Variants in PLXNB1 observed in about 807,000 individuals in gnomAD.
The protein encoded by PLXNB1 is plexin B1.
Under a neutral mutation model 209.4 loss-of-function variants are expected in PLXNB1, and 106 were observed. That is an observed-to-expected ratio of 0.51 (90% CI 0.43 to 0.59). The LOEUF is 0.59. PLXNB1 is among the 20% of genes least tolerant of loss of function. The pLI is 0.00. For missense variants in PLXNB1, 2,357 were observed against 2,853.2 expected, an observed-to-expected ratio of 0.83 and a Z score of 3.96; for synonymous variants, 1,167 against 1,183.2, an observed-to-expected ratio of 0.99 and a Z score of 0.28.
intron 3 of PLXNB1, 98 bp from the exon 4 acceptor site, chr3:48,423,045 T>G (rs2038640266): frequency 3.9e-6 from 4 of 1,034,034 alleles, no homozygotes; most frequent in Non-Finnish European, 4.3e-6. Flanking sequence ...GCCGCTCTGG[T>G]AGCTCTCCCT....
Position 48,423,781 on chromosome 3 carries a change from C to T in PLXNB1, c.831G>A (p.Gln277=). 6.2e-7 allele frequency: 1 copy of T among 1,613,990 alleles called. No homozygotes were observed. The highest frequency in any genetic ancestry group is 1.1e-5 in the South Asian group (1 of 91,080). The change falls in exon 3 of 38, where the codon CAG becomes CAA. Residue 277 remains glutamine, a synonymous_variant. Coordinates refer to ENST00000296440, the MANE Select transcript of PLXNB1 (RefSeq NM_001130082.3). ...ACEGGRYGLI[Q]AAAVATSREV... ...CCCTGGACGTGGCCACAGCTGCAGC[C>T]TGGATCAGCCCGTAGCGGCCACCTT...
In PLXNB1 at chr3:48,416,267, G is replaced by A; in HGVS notation, c.3480+79C>T. The A allele has an allele frequency of 1.3e-6, 2 of 1,557,662 alleles. No individual in the cohort carries two copies. Among genetic ancestry groups the A allele is most frequent in the South Asian group, 1.1e-5 (1 of 87,504 alleles). On this transcript the variant is annotated intron_variant, in intron 17 of 37. Coordinates refer to ENST00000296440, the MANE Select transcript of PLXNB1 (RefSeq NM_001130082.3). This position sits in a 1 kb window ranked among gnomAD's most constrained non-coding sequence, Gnocchi z 4.1. ...GGCCCAGGACTGGGAGCCCCACCAAGGAATAACCAGATGGGTTGAGAGGAG... is the reference window on the plus strand; with the variant it reads ...GGCCCAGGACTGGGAGCCCCACCAAAGAATAACCAGATGGGTTGAGAGGAG...
intron 10 of PLXNB1, 40 bp downstream of exon 10, chr3:48,420,625 C>T (rs377556062): frequency 2.7e-5 from 41 of 1,535,320 alleles, no homozygotes; most frequent in Non-Finnish European, 3.4e-5. Context: ...ACTGGGACCC[C>T]CAACCCCCCC....
rs755468121 is a variant in PLXNB1 at position 48,423,932 on chromosome 3, C to T, written c.680G>A (p.Ser227Asn). The T allele has an allele frequency of 6.2e-7, 1 of 1,614,148 alleles. No individual in the cohort carries two copies. The highest frequency in any genetic ancestry group is 1.1e-5 in the South Asian group (1 of 91,086). Residue 227 changes from serine to asparagine, a missense_variant, in exon 3 of 38, where the codon AGC (serine) becomes AAC (asparagine). Physicochemically the swap from Ser to Asn is conservative, Grantham distance 46. Transcript: ENST00000296440. Reference sequence around the variant, plus strand: ...CCGCCGCAGGAACAGGAAGTAGGCGCTGGCCCCACGTGCAAAGGCACTCAC... The same window carrying T: ...CCGCCGCAGGAACAGGAAGTAGGCGTTGGCCCCACGTGCAAAGGCACTCAC... ...HFVSAFARGASAYFLFLRRDL... is the reference protein window; with the variant it reads ...HFVSAFARGANAYFLFLRRDL...
chr3:48,414,951 C>T lies in PLXNB1; in HGVS notation c.4057G>A (p.Val1353Met). 14 of 1,613,940 alleles carry T rather than the reference C, an allele frequency of 8.7e-6. No individual in the cohort carries two copies. Among genetic ancestry groups the T allele is most frequent in the Non-Finnish European group, 1.2e-5 (14 of 1,180,042 alleles). ...ACCAGGTTGTCAAGGATAAATTCCA[C>T]CCGGACCCAGGGGTCCTCAGGCAGG... ...PGLPEDPWVR[V>M]EFILDNLVFD... Residue 1353 changes from valine to methionine, a missense_variant, in exon 21 of 38, where the codon GTG becomes ATG. Transcript: ENST00000296440.
At chr3:48,423,005 C>T (rs571928392) in intron 3 of PLXNB1, 58 bp from the exon 4 acceptor site, 529 of 1,495,848 alleles carry the variant, frequency 3.5e-4, no homozygotes, top group Admixed American at 7.5e-4. Context: ...TCGGCCGCAT[C>T]GTCCCTGGAC....
Position 48,411,092 on chromosome 3 carries a change from C to T in PLXNB1, c.5248-56G>A. The T allele has an allele frequency of 1.3e-6, 2 of 1,515,804 alleles. No individual in the cohort carries two copies. Among genetic ancestry groups the T allele is most frequent in the South Asian group, 1.2e-5 (1 of 83,656 alleles). 93.9% of individuals were successfully genotyped at this position (1,515,804 alleles called of 1,614,324 possible). ...TCATGTGCACTCAGGATGACCAAGA[C>T]ACAGGCCAAGGGCAGAGACAACTCA... On this transcript the variant is annotated intron_variant, in intron 28 of 37. Coordinates refer to ENST00000296440, the MANE Select transcript of PLXNB1 (RefSeq NM_001130082.3). This position sits in a 1 kb window ranked among gnomAD's most constrained non-coding sequence, Gnocchi z 4.0.
rs939849187 is a variant in PLXNB1, at chr3:48,418,757, G to A, written c.2955+160C>T. Among the ~76,000 whole-genome samples, 5 of 152,122 alleles carry A rather than the reference G, an allele frequency of 3.3e-5. No homozygotes were observed. The highest frequency in any genetic ancestry group is 5.9e-5 in the Non-Finnish European group (4 of 68,018). On this transcript the variant is annotated intron_variant, in intron 13 of 37. Transcript: ENST00000296440. This position sits in a 1 kb window ranked among gnomAD's most constrained non-coding sequence, Gnocchi z 6.6. ...CAGAGCTGGGATGCAAGGACTCCAC[G>A]GGGCACATGGTCAGAGGTCAGAAAT... is the stretch of plus-strand genomic sequence containing the variant.
chr3:48,411,369 C>T lies in PLXNB1; in HGVS notation c.5248-333G>A, dbSNP rs555289690. On this transcript the variant is annotated intron_variant, in intron 28 of 37. Coordinates refer to ENST00000296440, the MANE Select transcript of PLXNB1 (RefSeq NM_001130082.3). This position sits in a 1 kb window ranked among gnomAD's most constrained non-coding sequence, Gnocchi z 4.0. ...GAGTTTCGGGAAGCCTGCATTCCCACCATCGGGAGCAAATATTCCCACCTA... is the reference window on the plus strand; with the variant it reads ...GAGTTTCGGGAAGCCTGCATTCCCATCATCGGGAGCAAATATTCCCACCTA... Among the ~76,000 whole-genome samples, 3 of 152,326 alleles carry T rather than the reference C, an allele frequency of 2.0e-5. No homozygotes were observed. The highest frequency in any genetic ancestry group is 3.9e-4 in the East Asian group (2 of 5,180).
chr3:48,424,731 G>C (rs746166363), intron 2 of PLXNB1, 114 bp from the exon 3 acceptor site: 100 of 1,103,028 alleles, frequency 9.1e-5, no homozygotes, highest in Admixed American at 6.3e-4. Context: ...TAACCTAGGG[G>C]GTGAGCAGAG....
At position 48,409,972 on chromosome 3, in the gene PLXNB1, C is replaced by T. The variant is rs773727286; in HGVS notation, c.5711G>A (p.Arg1904Gln). The T allele has an allele frequency of 4.3e-6, 7 of 1,612,556 alleles. No individual in the cohort carries two copies. Among genetic ancestry groups the T allele is most frequent in the African/African-American group, 1.3e-5 (1 of 74,916 alleles). ...EPPRPRRGSL[R>Q]GGERERAKAI... is the part of the protein sequence containing the mutation. ...CTTGGCGCGCTCACGCTCCCCGCCC[C>T]GAAGGCTGCCCCTCCGAGGCCTGGG... The change falls in exon 32 of 38, where the codon CGG becomes CAG. Residue 1904 changes from arginine (R) to glutamine (Q), a missense_variant. Around this residue, in one of 7 missense-constraint regions of PLXNB1, gnomAD observed 414 missense variants for 520.5 expected, o/e 0.80. Coordinates refer to ENST00000296440, the MANE Select transcript of PLXNB1 (RefSeq NM_001130082.3). The surrounding 1 kb of genome is among the most constrained non-coding windows in gnomAD (Gnocchi z 5.8).
chr3:48,416,654 G>A lies in PLXNB1; in HGVS notation c.3375-203C>T, dbSNP rs2038122297. 1 of 406,520 alleles carries A rather than the reference G, an allele frequency of 2.5e-6. No homozygotes were observed. Among genetic ancestry groups the A allele is most frequent in the Non-Finnish European group, 4.3e-6 (1 of 231,080 alleles). 25.2% of individuals were successfully genotyped at this position (406,520 alleles called of 1,614,324 possible). On this transcript the variant is annotated intron_variant, in intron 16 of 37. Coordinates refer to ENST00000296440, the MANE Select transcript of PLXNB1 (RefSeq NM_001130082.3). The surrounding 1 kb of genome is among the most constrained non-coding windows in gnomAD (Gnocchi z 4.1). The stretch of plus-strand genomic sequence containing the variant: ...TGGTATCTGAGAATTAATATTTGTG[G>A]CTTCAATCATTTAAGTTCAACCCCA...
chr3:48,427,233 T>C (rs902959064), intron 1 of PLXNB1, among the ~76,000 whole-genome samples: 9 of 149,564 alleles, frequency 6.0e-5, no homozygotes, highest in African/African-American at 2.0e-4. Flanking sequence ...CAGGAAGAAA[T>C]GGGCGGGATC....
chr3:48,416,230 G>T lies in PLXNB1; in HGVS notation c.3481-63C>A. ...AGACACATGGAGGCAGGGACAGCCT[G>T]AGAGACAGGCTGGCCCAGGACTGGG... On this transcript the variant is annotated intron_variant, in intron 17 of 37. Transcript: ENST00000296440. The surrounding 1 kb of genome is among the most constrained non-coding windows in gnomAD (Gnocchi z 4.1). The T allele has an allele frequency of 6.4e-7, 1 of 1,561,082 alleles. No homozygotes were observed. Among genetic ancestry groups the T allele is most frequent in the Non-Finnish European group, 8.7e-7 (1 of 1,144,592 alleles).
rs2038030735 is a variant in PLXNB1 at position 48,415,573 on chromosome 3, G to A, written c.3794+10C>T. 6.4e-7 allele frequency: 1 copy of A among 1,564,444 alleles called. No individual in the cohort carries two copies. Among genetic ancestry groups the A allele is most frequent in the Admixed American group, 1.9e-5 (1 of 53,252 alleles). ...CCACCTGCCATGCAGCCACACCCCT[G>A]GCCCAACACCTGAGGAAGCTCTTGG... is the stretch of plus-strand genomic sequence containing the variant. On this transcript the variant is annotated intron_variant, in intron 19 of 37. Transcript: ENST00000296440. This position sits in a 1 kb window ranked among gnomAD's most constrained non-coding sequence, Gnocchi z 5.0.
Position 48,406,470 on chromosome 3 carries a change from G to A in PLXNB1, c.6228+353C>T. ...CATTTTAGGGCGGTTTCAGGAATGGGAGAGGTGAAGGGGACACCTGTGCCA... is the reference window on the plus strand; with the variant it reads ...CATTTTAGGGCGGTTTCAGGAATGGAAGAGGTGAAGGGGACACCTGTGCCA... On this transcript the variant is annotated intron_variant, in intron 36 of 37. Coordinates refer to ENST00000296440, the MANE Select transcript of PLXNB1 (RefSeq NM_001130082.3). The surrounding 1 kb of genome is among the most constrained non-coding windows in gnomAD (Gnocchi z 4.4). 2 of 527,744 alleles carry A rather than the reference G, an allele frequency of 3.8e-6. No homozygotes were observed. Among genetic ancestry groups the A allele is most frequent in the Non-Finnish European group, 4.9e-6 (2 of 411,820 alleles). 32.7% of individuals were successfully genotyped at this position (527,744 alleles called of 1,614,324 possible). A position where few individuals can be genotyped will look rare whatever the true frequency, so the allele number is the denominator to read the frequency against.
rs1354930505 is a variant in PLXNB1, at chr3:48,406,870, G to A, written c.6181C>T (p.Pro2061Ser). 1 of 1,612,944 alleles carries A rather than the reference G, an allele frequency of 6.2e-7. No homozygotes were observed. The highest frequency in any genetic ancestry group is 8.5e-7 in the Non-Finnish European group (1 of 1,179,512). Residue 2061 changes from proline (P) to serine (S), a missense_variant, in exon 36 of 38, where the codon CCA becomes TCA. Transcript: ENST00000296440. The surrounding 1 kb of genome is among the most constrained non-coding windows in gnomAD (Gnocchi z 4.4). ...GAGTTCATCTCTTGGTCGCTGGCTG[G>A]GACAGTCTGTCTGATGTCTGCATAG... Reference protein sequence around the residue: ...RYYADIRQTVPASDQEMNSVL... With the variant: ...RYYADIRQTVSASDQEMNSVL...
rs2037529897 is a variant in PLXNB1, at chr3:48,409,565, C to T, written c.5939+6G>A. 3 of 1,613,750 alleles carry T rather than the reference C, an allele frequency of 1.9e-6. No individual in the cohort carries two copies. The highest frequency in any genetic ancestry group is 1.7e-6 in the Non-Finnish European group (2 of 1,179,720). ...CACACCTAGAGCCCACCCAGCTCCA[C>T]CCCACCTGTTGGTCTTCCAGATGTG... On this transcript the variant is annotated splice_donor_region_variant and intron_variant, in intron 33 of 37. Coordinates refer to ENST00000296440, the MANE Select transcript of PLXNB1 (RefSeq NM_001130082.3). This position sits in a 1 kb window ranked among gnomAD's most constrained non-coding sequence, Gnocchi z 5.8.
chr3:48,412,082 A>C, intron 27 of PLXNB1, 73 bp from the exon 28 acceptor site: 1 of 1,556,174 alleles, frequency 6.4e-7, no homozygotes, highest in East Asian at 2.2e-5. Context: ...ACACTGGGGA[A>C]GGGGACAGGA....
Sources: allele counts gnomAD v4.1 joint callset (sites outside exome capture counted in the v4.1 genomes callset), GRCh38; gene constraint gnomAD v4.1.1; regional missense constraint gnomAD v4.1.1; non-coding constraint Gnocchi (gnomAD v3.1); transcripts MANE v1.5; gene names NCBI Gene and HGNC (gene_info 2026-07-23, HGNC 2026-07-21).